The following BRCA1 variants were observed in gnomAD, a reference collection of about 807,000 sequenced individuals.
The protein encoded by BRCA1 is breast cancer type 1 susceptibility protein.
BRCA1 carries 140 observed loss-of-function variants against 173.7 expected under a neutral mutation model. The ratio of observed to expected loss-of-function variants is 0.81; its 90% CI spans 0.70 to 0.93. The LOEUF (loss-of-function observed/expected upper bound fraction) is 0.93. Ranked by LOEUF, BRCA1 falls within the 40% of genes least tolerant of loss-of-function variation. The pLI is 0.00. For missense variants in BRCA1, 1,983 were observed against 2,172.5 expected, an observed-to-expected ratio of 0.91 and a Z score of 1.73; for synonymous variants, 662 against 756.0, an observed-to-expected ratio of 0.88 and a Z score of 2.04.
Position 43,125,350 on chromosome 17 carries a change from C to G in BRCA1, c.-99G>C, listed in dbSNP as rs986120323. ...AGAAACCCCACAGCCTGTCCCCCGT[C>G]CAGGAAGTCTCAGCGAGCTCACGCC... On this transcript the variant is annotated 5_prime_UTR_variant, in exon 1 of 23. Transcript: ENST00000357654. The G allele has an allele frequency of 4.1e-5, 18 of 433,958 alleles. No homozygotes were observed. Among genetic ancestry groups the G allele is most frequent in the Non-Finnish European group, 7.6e-5 (16 of 211,762 alleles). The allele number at this position is 433,958 out of a possible 1,614,324, so 26.9% of individuals were successfully genotyped here. A position where few individuals can be genotyped will look rare whatever the true frequency, so the allele number is the denominator to read the frequency against.
rs8176143 is a variant in BRCA1 at position 43,097,369 on chromosome 17, A to G, written c.548-80T>C. 1,607 of 1,152,990 alleles carry G rather than the reference A, an allele frequency of 1.4e-3. 21 individuals carry two copies. In the African/African-American group the frequency reaches 0.022, roughly 16 times the overall value. 71.4% of individuals were successfully genotyped at this position (1,152,990 alleles called of 1,614,324 possible). On this transcript the variant is annotated intron_variant, in intron 7 of 22. Coordinates refer to ENST00000357654, the MANE Select transcript of BRCA1 (RefSeq NM_007294.4). The stretch of plus-strand genomic sequence containing the variant: ...GTTAAAAAAATGTACTTGTTGAAAA[A>G]CAGATATTCAACTAGAAATATTTAC...
chr17:43,053,229 C>G (rs528921895), intron 19 of BRCA1, among the ~76,000 whole-genome samples: 1 of 152,282 alleles, frequency 6.6e-6, no homozygotes, highest in East Asian at 1.9e-4. Context: ...GTTGATAGGA[C>G]CTGCATGCTC....
Position 43,076,580 on chromosome 17 carries a change from A to T in BRCA1, c.4392T>A (p.Pro1464=), listed in dbSNP as rs794727102. ...AAAGGCCTTCTGGATTCTGGCTTAT[A>T]GGGTATTCACTACTTTTCTGTGAAG... ...VLTSQKSSEY[P]ISQNPEGLSA... The change falls in exon 13 of 23, where the codon CCT becomes CCA. Residue 1464 remains proline (P), a synonymous_variant. Transcript: ENST00000357654. The T allele has an allele frequency of 6.2e-7, 1 of 1,613,734 alleles. No homozygotes were observed.
At chr17:43,109,036 A>C (rs910888879) in intron 3 of BRCA1, among the ~76,000 whole-genome samples, 6 of 152,180 alleles carry the variant, frequency 3.9e-5, no homozygotes, top group East Asian at 1.9e-4. Flanking sequence ...AACTATATCT[A>C]TATCTCTATC....
At chr17:43,059,310 A>G (rs889931701) in intron 18 of BRCA1, among the ~76,000 whole-genome samples, 1 of 152,134 alleles carries the variant, frequency 6.6e-6, no homozygotes, top group Non-Finnish European at 1.5e-5. Context: ...CTAAAAATAC[A>G]AGTATTAGCC....
chr17:43,161,584 A>C (rs1471324758), intron 1 of BRCA1: 4 of 152,238 alleles, frequency 2.6e-5, no homozygotes, highest in Admixed American at 2.6e-4. Context: ...GGGTGGGCCT[A>C]AACGGTCTGC....
chr17:43,099,264 T>C (rs1429091492), intron 7 of BRCA1, among the ~76,000 whole-genome samples: 1 of 151,832 alleles, frequency 6.6e-6, no homozygotes, highest in Non-Finnish European at 1.5e-5. Context: ...CAGATATTCT[T>C]TCTTTTGCTC....
intron 3 of BRCA1, among the ~76,000 whole-genome samples, chr17:43,115,427 G>A (rs574686445): frequency 4.6e-5 from 7 of 151,954 alleles, no homozygotes; most frequent in Non-Finnish European, 8.8e-5. Context: ...GCTTGAACTC[G>A]GGGGGCGGAG....
intron 1 of BRCA1, among the ~76,000 whole-genome samples, chr17:43,152,537 G>A (rs1269523498): frequency 6.6e-6 from 1 of 151,566 alleles, no homozygotes; most frequent in Non-Finnish European, 1.5e-5. Flanking sequence ...TGGCCAACAT[G>A]GTGAAACCCT....
At chr17:43,063,566 T>C (rs995310435) in intron 17 of BRCA1, among the ~76,000 whole-genome samples, 193 bp from the exon 18 acceptor site, 1 of 152,184 alleles carries the variant, frequency 6.6e-6, no homozygotes, top group East Asian at 1.9e-4. Flanking sequence ...GATGTTTAAT[T>C]TAAACATTAT....
chr17:43,133,615 T>C lies in BRCA1; in HGVS notation c.-19-9500A>G, dbSNP rs541088518. 1.2e-4 allele frequency among the ~76,000 whole-genome samples: 18 copies of C among 151,212 alleles called. No individual in the cohort carries two copies. The Middle Eastern group carries it at 0.014, about 115-fold the overall frequency. On this transcript the variant is annotated intron_variant, in intron 1 of 7. Transcript: ENST00000634433. Reference sequence around the variant, plus strand: ...CTTTAGCTCCTTTCCATTCTGGCCTTCTCCCTTTCCTTTTTCACTTCCTTT... The same window carrying C: ...CTTTAGCTCCTTTCCATTCTGGCCTCCTCCCTTTCCTTTTTCACTTCCTTT...
chr17:43,151,491 AC>A (rs2056161438), intron 1 of BRCA1, among the ~76,000 whole-genome samples: 1 of 152,214 alleles, frequency 6.6e-6, no homozygotes, highest in African/African-American at 2.4e-5. Flanking sequence ...CTCAAAAAAA[AC>A]AAAAACAAAA....
chr17:43,048,589 A>C (rs1327815438), intron 21 of BRCA1, among the ~76,000 whole-genome samples: 1 of 149,732 alleles, frequency 6.7e-6, no homozygotes, highest in Non-Finnish European at 1.5e-5. Flanking sequence ...ATCTTGGCTC[A>C]CTGCAACCTC....
intron 12 of BRCA1, chr17:43,079,351 G>C: frequency 1.9e-6 from 3 of 1,596,694 alleles, no homozygotes. Context: ...ATGTTCTCTA[G>C]GCCTTTTAGA....
chr17:43,139,427 GC>G (rs2056057602), intron 1 of BRCA1, among the ~76,000 whole-genome samples: 1 of 151,806 alleles, frequency 6.6e-6, no homozygotes, highest in South Asian at 2.1e-4. Context: ...CACGATCTCG[GC>G]TCACTGCAAC....
intron 3 of BRCA1, chr17:43,112,510 G>GTCCTAGCTA (rs2055082432): frequency 6.6e-6 from 1 of 152,156 alleles, no homozygotes; most frequent in Non-Finnish European, 1.5e-5. Context: ...TACTTGAGGG[G>GTCCTAGCTA]CTGAGATGAG....
chr17:43,082,878 T>G (rs1343121601), intron 11 of BRCA1: 3 of 401,744 alleles, frequency 7.5e-6, no homozygotes, highest in Non-Finnish European at 1.4e-5. Flanking sequence ...AAAAAATAAT[T>G]AAGGCATTTA....
intron 20 of BRCA1, 25 bp downstream of exon 20, chr17:43,051,038 C>T (rs1379554952): frequency 1.2e-6 from 2 of 1,608,882 alleles, no homozygotes; most frequent in Admixed American, 3.3e-5. Flanking sequence ...GGTGCTGGAA[C>T]TCTGGGGTTC....
At chr17:43,049,267 C>T in intron 20 of BRCA1, 73 bp from the exon 21 acceptor site, 1 of 1,363,418 alleles carries the variant, frequency 7.3e-7, no homozygotes, top group Non-Finnish European at 1.0e-6. Context: ...ACCCTACACT[C>T]TCCGGATGAA....
Sources: allele counts gnomAD v4.1 joint callset (sites outside exome capture counted in the v4.1 genomes callset), GRCh38; gene constraint gnomAD v4.1.1; transcripts MANE v1.5; gene names NCBI Gene and HGNC (gene_info 2026-07-23, HGNC 2026-07-21).